ACTL8: variants seen among roughly 807,000 people sequenced by gnomAD.
ACTL8 encodes the protein actin-like protein 8.
In ACTL8, 3 loss-of-function variants were observed where a neutral mutation model predicts 9.3. The observed-to-expected ratio is 0.32, with a 90% confidence interval of 0.15 to 0.83. The LOEUF is 0.83. Among genes scored for constraint, ACTL8 ranks in the 40% least tolerant of loss-of-function variants. The pLI is 0.57. For synonymous variants in ACTL8, 224 were observed against 205.9 expected, an observed-to-expected ratio of 1.09 and a Z score of -0.75; for missense variants, 381 against 492.2, an observed-to-expected ratio of 0.77 and a Z score of 2.14.
At chr1:17,776,435 G>A (rs777096668) in intron 1 of ACTL8, among the ~76,000 whole-genome samples, 1 of 152,086 alleles carries the variant, frequency 6.6e-6, no homozygotes, top group Non-Finnish European at 1.5e-5. Flanking sequence ...TGGCCCTCCC[G>A]CTGTGCCCCT....
At chr1:17,807,143 A>G (rs999176734) in intron 1 of ACTL8, among the ~76,000 whole-genome samples, 2 of 152,216 alleles carry the variant, frequency 1.3e-5, no homozygotes, top group African/African-American at 2.4e-5. Context: ...GTGGGCTCAC[A>G]TGGATAATCC....
rs1319484704 is a variant in ACTL8 at position 17,797,498 on chromosome 1, A to G, written c.-24-25487A>G. On this transcript the variant is annotated intron_variant, in intron 1 of 2. Coordinates refer to ENST00000375406, the MANE Select transcript of ACTL8 (RefSeq NM_030812.3). ...TCTGTAACCACCGTGCATCGGAGGC[A>G]TTGCGCTCAGTAGCCTTCTCAGGAT... Among the ~76,000 whole-genome samples, 7 of 152,306 alleles carry G rather than the reference A, an allele frequency of 4.6e-5. No individual in the cohort carries two copies. The East Asian group carries it at 1.4e-3, about 29-fold the overall frequency.
At chr1:17,810,548 C>T (rs1463675909) in intron 1 of ACTL8, among the ~76,000 whole-genome samples, 3 of 152,238 alleles carry the variant, frequency 2.0e-5, no homozygotes, top group African/African-American at 2.4e-5. Flanking sequence ...TGTCATGTGG[C>T]GAGACTCGCT....
At chr1:17,765,926 T>C (rs111725031) in intron 1 of ACTL8, among the ~76,000 whole-genome samples, 197 of 152,328 alleles carry the variant, frequency 1.3e-3, no homozygotes, top group South Asian at 4.8e-3. Flanking sequence ...CTCTCTCAAC[T>C]CCCAGGGAGT....
At chr1:17,764,991 A>T (rs1431731303) in intron 1 of ACTL8, among the ~76,000 whole-genome samples, 1 of 152,220 alleles carries the variant, frequency 6.6e-6, no homozygotes, top group African/African-American at 2.4e-5. Context: ...AGGTAAAGCC[A>T]CCATGATGCA....
intron 1 of ACTL8, among the ~76,000 whole-genome samples, chr1:17,757,642 C>T (rs1313948677): frequency 2.0e-5 from 3 of 152,224 alleles, no homozygotes; most frequent in Non-Finnish European, 2.9e-5. Flanking sequence ...TAGCCCCTAG[C>T]TGTGGTCAGA....
intron 1 of ACTL8, among the ~76,000 whole-genome samples, chr1:17,771,373 AT>A (rs369237166): frequency 2.6e-5 from 4 of 152,194 alleles, no homozygotes; most frequent in African/African-American, 9.7e-5. Context: ...AGTGAGCCGG[AT>A]TTGGCCCGTG....
chr1:17,800,583 C>CTTTTTTTTTTTTTTTTTTTTTTTT lies in ACTL8; in HGVS notation c.-24-22398_-24-22375dup, dbSNP rs59143238. Among the ~76,000 whole-genome samples the CTTTTTTTTTTTTTTTTTTTTTTTT allele has an allele frequency of 1.4e-4, 10 of 69,156 alleles. 2 individuals are homozygous for CTTTTTTTTTTTTTTTTTTTTTTTT. The highest frequency in any genetic ancestry group is 6.5e-4 in the African/African-American group (10 of 15,486). The allele number at this position is 69,156 out of a possible 152,430, so 45.4% of individuals were successfully genotyped here. ...CAAACTTCCTTGCCTTGGTGTCAATCTTTTTTTTTTTTTTTTTTTTTTTTT... is the reference window on the plus strand; with the variant it reads ...CAAACTTCCTTGCCTTGGTGTCAATCTTTTTTTTTTTTTTTTTTTTTTTTTTTTTTTTTTTTTTTTTTTTTTTTT... On this transcript the variant is annotated intron_variant, in intron 1 of 2. Transcript: ENST00000375406.
intron 1 of ACTL8, among the ~76,000 whole-genome samples, chr1:17,812,427 CTTTTTTTTT>C (rs141182523): frequency 7.4e-5 from 9 of 122,412 alleles, no homozygotes; most frequent in Non-Finnish European, 1.2e-4. Context: ...ATTTTTTTTC[CTTTTTTTTT>C]TTTTTTTTTT....
chr1:17,818,759 C>T (rs997692925), intron 1 of ACTL8, among the ~76,000 whole-genome samples: 4 of 152,190 alleles, frequency 2.6e-5, no homozygotes, highest in Non-Finnish European at 5.9e-5. Context: ...GTTCCCTGTC[C>T]TTACCAGGTT....
chr1:17,768,012 ATCAG>A (rs1335948732), intron 1 of ACTL8, among the ~76,000 whole-genome samples: 3 of 152,228 alleles, frequency 2.0e-5, no homozygotes, highest in East Asian at 1.9e-4. Flanking sequence ...GTTTTAGAGA[ATCAG>A]TCAGGGCTCC....
intron 1 of ACTL8, among the ~76,000 whole-genome samples, chr1:17,821,602 GTTCCATGGAT>G (rs2053660415): frequency 1.3e-5 from 2 of 151,350 alleles, no homozygotes; most frequent in Non-Finnish European, 2.9e-5. Context: ...TGGACTTTCT[GTTCCATGGAT>G]CTATGTTTGT....
chr1:17,803,248 A>G (rs1355299407), intron 1 of ACTL8, among the ~76,000 whole-genome samples: 1 of 152,164 alleles, frequency 6.6e-6, no homozygotes, highest in African/African-American at 2.4e-5. Flanking sequence ...CATGTGAAGA[A>G]GGAGGTGTTT....
intron 1 of ACTL8, among the ~76,000 whole-genome samples, chr1:17,773,182 G>A (rs187296405): frequency 6.6e-6 from 1 of 152,316 alleles, no homozygotes; most frequent in African/African-American, 2.4e-5. Flanking sequence ...ATGTGTTTAG[G>A]AGAAGCAGAG....
intron 1 of ACTL8, among the ~76,000 whole-genome samples, chr1:17,759,159 A>G (rs909237685): frequency 5.9e-5 from 9 of 152,250 alleles, no homozygotes; most frequent in African/African-American, 2.2e-4. Context: ...TTTTCTGGTT[A>G]TCAATTATTG....
chr1:17,771,101 A>G (rs1343986266), intron 1 of ACTL8, among the ~76,000 whole-genome samples: 1 of 152,202 alleles, frequency 6.6e-6, no homozygotes, highest in Non-Finnish European at 1.5e-5. Flanking sequence ...AAAAGACCAG[A>G]TTGTAAACAT....
chr1:17,812,875 C>A (rs2066402489), intron 1 of ACTL8, among the ~76,000 whole-genome samples: 1 of 152,114 alleles, frequency 6.6e-6, no homozygotes, highest in Non-Finnish European at 1.5e-5. Flanking sequence ...TAGATTTATA[C>A]CAAAGTATCT....
chr1:17,820,692 C>G (rs374205636), intron 1 of ACTL8, among the ~76,000 whole-genome samples: 2 of 152,080 alleles, frequency 1.3e-5, no homozygotes, highest in Non-Finnish European at 1.5e-5. Context: ...CTCAGCCCCC[C>G]CAGTAGCTGG....
chr1:17,799,491 G>A lies in ACTL8; in HGVS notation c.-24-23494G>A, dbSNP rs80309969. ...TTTTTTCTTGTTGGTTTCTAAGTTC[G>A]TTCCATGTCATTTTTAGATGTTGCT... On this transcript the variant is annotated intron_variant, in intron 1 of 2. Coordinates refer to ENST00000375406, the MANE Select transcript of ACTL8 (RefSeq NM_030812.3). 2.5e-4 allele frequency among the ~76,000 whole-genome samples: 37 copies of A among 150,236 alleles called. No individual in the cohort carries two copies. The East Asian group carries it at 6.6e-3, about 27-fold the overall frequency.
Sources: gnomAD v4.1 joint callset for allele counts (sites outside exome capture counted in the v4.1 genomes callset) on GRCh38, gnomAD v4.1.1 for gene constraint, MANE v1.5 for transcripts, NCBI Gene and HGNC (gene_info 2026-07-23, HGNC 2026-07-21) for gene names.